Variants in CYFIP1 observed in about 807,000 individuals in gnomAD.
CYFIP1 encodes cytoplasmic FMR1-interacting protein 1.
CYFIP1 carries 58 observed loss-of-function variants against 163.5 expected under a neutral mutation model. The ratio of observed to expected loss-of-function variants is 0.35; its 90% CI spans 0.29 to 0.44. CYFIP1 has a LOEUF of 0.44. Among genes scored for constraint, CYFIP1 ranks in the 20% least tolerant of loss-of-function variants. The pLI is 1.00. For synonymous variants in CYFIP1, 663 were observed against 660.7 expected (o/e 1.00, Z -0.05); for missense variants, 1,338 against 1,653.8 (o/e 0.81, Z 3.31).
intron 26 of CYFIP1, among the ~76,000 whole-genome samples, chr15:22,878,134 G>A (rs927290123): frequency 6.6e-6 from 1 of 152,196 alleles, no homozygotes; most frequent in Admixed American, 6.5e-5. Flanking sequence ...GGCAGCTCTG[G>A]AGACGAAGTG....
chr15:22,914,287 G>A (rs370391453), intron 17 of CYFIP1, among the ~76,000 whole-genome samples: 6 of 152,208 alleles, frequency 3.9e-5, no homozygotes, highest in African/African-American at 7.2e-5. Context: ...CTGAGTCCCC[G>A]GGTCCCAGCC....
intron 6 of CYFIP1, 52 bp from the exon 7 acceptor site, chr15:22,939,559 A>T: frequency 1.1e-4 from 47 of 438,070 alleles, no homozygotes; most frequent in Non-Finnish European, 1.5e-4. Context: ...GCCACATTTA[A>T]AAAAAAAAAA....
At chr15:22,946,597 C>T (rs562967795) in intron 3 of CYFIP1, 11 of 329,596 alleles carry the variant, frequency 3.3e-5, no homozygotes, top group Non-Finnish European at 4.8e-5. Context: ...ACCAAGATCG[C>T]GCCACTGTAC....
chr15:22,880,124 C>T, intron 25 of CYFIP1, 81 bp from the exon 26 acceptor site: 1 of 1,585,782 alleles, frequency 6.3e-7, no homozygotes, highest in African/African-American at 1.3e-5. Flanking sequence ...CCAGGAGCAC[C>T]TGCCGTTCTG....
At chr15:22,969,665 T>C (rs907173994) in intron 1 of CYFIP1, among the ~76,000 whole-genome samples, 1 of 152,266 alleles carries the variant, frequency 6.6e-6, no homozygotes, top group South Asian at 2.1e-4. Flanking sequence ...ACATACATAT[T>C]TGCATTAAAT....
intron 6 of CYFIP1, among the ~76,000 whole-genome samples, chr15:22,942,885 G>A (rs2140092542): frequency 6.6e-6 from 1 of 152,318 alleles, no homozygotes; most frequent in South Asian, 2.1e-4. Flanking sequence ...TACATCTTGT[G>A]CATGTCTGTC....
At position 22,869,006 on chromosome 15, in the gene CYFIP1, T is replaced by G. The variant is rs571221682; in HGVS notation, c.*1022A>C. On this transcript the variant is annotated 3_prime_UTR_variant, in exon 31 of 31. Transcript: ENST00000617928. ...ATATGGCTTTAGTTTCTCAAACATG[T>G]TCGTGACTCTACTGGTAGTCTAGAC... The G allele has an allele frequency of 6.6e-6, 1 of 152,336 alleles. No homozygotes were observed. Among genetic ancestry groups the G allele is most frequent in the East Asian group, 1.9e-4 (1 of 5,194 alleles). The allele number at this position is 152,336 out of a possible 1,614,324, so 9.4% of individuals were successfully genotyped here.
chr15:22,957,694 TCAAA>T (rs780580901), intron 1 of CYFIP1, among the ~76,000 whole-genome samples: 79 of 152,196 alleles, frequency 5.2e-4, no homozygotes, highest in Non-Finnish European at 1.0e-3. Context: ...AACAGCATAA[TCAAA>T]CAAAGACAAA....
In CYFIP1 at chr15:22,926,023, G is replaced by T; in HGVS notation, c.1318C>A (p.Arg440Ser). 1 of 1,613,944 alleles carries T rather than the reference G, an allele frequency of 6.2e-7. No homozygotes were observed. Among genetic ancestry groups the T allele is most frequent in the Non-Finnish European group, 8.5e-7 (1 of 1,179,926 alleles). The change falls in exon 13 of 31, where the codon CGC (arginine) becomes AGC (serine). Residue 440 changes from arginine (R) to serine (S), a missense_variant. Physicochemically the swap from Arg to Ser is moderately radical, Grantham distance 110. Coordinates refer to ENST00000617928, the MANE Select transcript of CYFIP1 (RefSeq NM_014608.6). ...DSAEEYERAT[R>S]YNYTSEEKFA... ...TTCTCCTCGCTGGTGTAGTTGTAGC[G>T]CGTGGCACGCTCGTACTCTTCAGCG... is the stretch of plus-strand genomic sequence containing the variant.
chr15:22,871,224 C>T (rs775897527), intron 30 of CYFIP1, among the ~76,000 whole-genome samples: 4 of 152,154 alleles, frequency 2.6e-5, no homozygotes, highest in Non-Finnish European at 4.4e-5. Flanking sequence ...CACAAGGAAA[C>T]AGCAAAGTTT....
intron 13 of CYFIP1, among the ~76,000 whole-genome samples, chr15:22,920,368 G>C (rs1247880636): frequency 6.6e-6 from 1 of 151,912 alleles, no homozygotes; most frequent in African/African-American, 2.4e-5. Flanking sequence ...TTGGTTTGAA[G>C]TTCACTTAGC....
intron 17 of CYFIP1, among the ~76,000 whole-genome samples, chr15:22,912,824 G>A (rs1357834333): frequency 6.6e-6 from 1 of 152,144 alleles, no homozygotes; most frequent in Non-Finnish European, 1.5e-5. Flanking sequence ...GGGAGGCTGA[G>A]GTAGAAGGAT....
intron 13 of CYFIP1, among the ~76,000 whole-genome samples, chr15:22,923,315 T>C (rs2061249792): frequency 2.6e-5 from 4 of 152,124 alleles, no homozygotes; most frequent in African/African-American, 7.2e-5. Context: ...TGAAGAGACA[T>C]TTCTCCAAAT....
At chr15:22,964,153 C>T (rs1034763293) in intron 1 of CYFIP1, among the ~76,000 whole-genome samples, 2 of 133,658 alleles carry the variant, frequency 1.5e-5, no homozygotes, top group African/African-American at 5.9e-5. Context: ...TATCACTTCA[C>T]ATACTTTTTT....
intron 1 of CYFIP1, among the ~76,000 whole-genome samples, chr15:22,955,209 G>A (rs900870694): frequency 6.6e-6 from 1 of 152,210 alleles, no homozygotes; most frequent in African/African-American, 2.4e-5. Context: ...CACAGATGCA[G>A]TCTCAAGAAG....
At chr15:22,886,873 T>G (rs185006914) in intron 23 of CYFIP1, among the ~76,000 whole-genome samples, 1 of 152,352 alleles carries the variant, frequency 6.6e-6, no homozygotes, top group East Asian at 1.9e-4. Flanking sequence ...ATTACTAAAA[T>G]GAGAGTTGAA....
Position 22,872,541 on chromosome 15 carries a change from C to T in CYFIP1, c.3597+284G>A, listed in dbSNP as rs1595482187. On this transcript the variant is annotated intron_variant, in intron 30 of 30. Transcript: ENST00000617928. ...CCAAGAAAGCACAGACTTCCAGGGG[C>T]CCGAAGACTATAGTTGCCAATATTC... The T allele has an allele frequency of 8.8e-6, 3 of 340,428 alleles. No homozygotes were observed. The Admixed American group carries it at 1.4e-4, about 16-fold the overall frequency. The allele number at this position is 340,428 out of a possible 1,614,324, so 21.1% of individuals were successfully genotyped here.
chr15:22,874,512 C>G (rs1378936250), intron 28 of CYFIP1, 38 bp downstream of exon 28: 1 of 1,497,314 alleles, frequency 6.7e-7, no homozygotes, highest in Non-Finnish European at 9.0e-7. Context: ...CATGGATGCC[C>G]AGCTTGCAAC....
Position 22,923,942 on chromosome 15 carries a change from C to CAAAAAAA in CYFIP1, c.1359+2033_1359+2039dup, listed in dbSNP as rs916058496. Reference sequence around the variant, plus strand: ...GGGTGACAGAGTGAGACCTTGTCTCCAAAAAAAAAAAAAAAAAAAAAAACA... The same window carrying CAAAAAAA: ...GGGTGACAGAGTGAGACCTTGTCTCCAAAAAAAAAAAAAAAAAAAAAAAAAAAAAACA... On this transcript the variant is annotated intron_variant, in intron 13 of 30. Transcript: ENST00000617928. Among the ~76,000 whole-genome samples the CAAAAAAA allele has an allele frequency of 4.7e-4, 29 of 61,776 alleles. 2 individuals are homozygous for CAAAAAAA. Among genetic ancestry groups the CAAAAAAA allele is most frequent in the Middle Eastern group, 0.013 (1 of 76 alleles). The allele number at this position is 61,776 out of a possible 152,430, so 40.5% of individuals were successfully genotyped here.
Sources: gnomAD v4.1 joint callset for allele counts (sites outside exome capture counted in the v4.1 genomes callset) on GRCh38, gnomAD v4.1.1 for gene constraint, MANE v1.5 for transcripts, NCBI Gene and HGNC (gene_info 2026-07-23, HGNC 2026-07-21) for gene names.